Variants in CRTC1 observed in about 807,000 individuals in gnomAD.
CRTC1 encodes CREB regulated transcription coactivator 1.
Under a neutral mutation model 66.1 loss-of-function variants are expected in CRTC1, and 18 were observed. That is an observed-to-expected ratio of 0.27 (90% CI 0.19 to 0.40). The LOEUF (loss-of-function observed/expected upper bound fraction) is 0.40, where lower values mean the gene tolerates loss of function less well. Ranked by LOEUF, CRTC1 falls within the 10% of genes least tolerant of loss-of-function variation. The pLI is 1.00. For synonymous variants in CRTC1, 416 were observed against 398.8 expected, an observed-to-expected ratio of 1.04 and a Z score of -0.51; for missense variants, 669 against 887.9, an observed-to-expected ratio of 0.75 and a Z score of 3.13.
At chr19:18,707,060 A>AT (rs1301594941) in intron 1 of CRTC1, among the ~76,000 whole-genome samples, 4 of 151,900 alleles carry the variant, frequency 2.6e-5, no homozygotes, top group African/African-American at 9.7e-5. Flanking sequence ...CAATTTATGT[A>AT]TTTTTTCTTT....
chr19:18,686,415 A>G (rs904188185), intron 1 of CRTC1, among the ~76,000 whole-genome samples: 8 of 152,246 alleles, frequency 5.3e-5, no homozygotes, highest in African/African-American at 1.7e-4. Flanking sequence ...TGGGAGGCCA[A>G]GGTGAGTGGA....
chr19:18,725,573 G>T lies in CRTC1; in HGVS notation c.127-17337G>T, dbSNP rs376369142. Among the ~76,000 whole-genome samples, 32 of 152,256 alleles carry T rather than the reference G, an allele frequency of 2.1e-4. No homozygotes were observed. The East Asian group carries it at 4.8e-3, about 23-fold the overall frequency. Reference sequence around the variant, plus strand: ...ATCAGTGCCAGACCTGTGGCTATGCGTGCTCACAGGGGCACCAGGCTGCCG... The same window carrying T: ...ATCAGTGCCAGACCTGTGGCTATGCTTGCTCACAGGGGCACCAGGCTGCCG... On this transcript the variant is annotated intron_variant, in intron 1 of 13. Coordinates refer to ENST00000321949, the MANE Select transcript of CRTC1 (RefSeq NM_015321.3).
At chr19:18,745,047 C>T (rs2145737739) in intron 2 of CRTC1, among the ~76,000 whole-genome samples, 1 of 152,332 alleles carries the variant, frequency 6.6e-6, no homozygotes, top group South Asian at 2.1e-4. Flanking sequence ...TCACCCCAGT[C>T]AGATGGCAAG....
intron 1 of CRTC1, among the ~76,000 whole-genome samples, chr19:18,720,382 C>T (rs2053598170): frequency 6.6e-6 from 1 of 151,948 alleles, no homozygotes; most frequent in Non-Finnish European, 1.5e-5. Context: ...GACAGTCTCG[C>T]TCTGTCACCC....
rs1600726022 is a variant in CRTC1 at position 18,683,690 on chromosome 19, T to G, written c.-13T>G. On this transcript the variant is annotated 5_prime_UTR_variant, in exon 1 of 14. Transcript: ENST00000321949. The stretch of plus-strand genomic sequence containing the variant: ...GAGGAGGAGGAGGAGGAGGAGGAGG[T>G]GGCGGCGAGAAGATGGCGACTTCGA... The G allele has an allele frequency of 7.3e-7, 1 of 1,365,604 alleles. No homozygotes were observed. Among genetic ancestry groups the G allele is most frequent in the African/African-American group, 1.6e-5 (1 of 62,566 alleles). 84.6% of individuals were successfully genotyped at this position (1,365,604 alleles called of 1,614,324 possible). A position where few individuals can be genotyped will look rare whatever the true frequency, so the allele number is the denominator to read the frequency against.
intron 1 of CRTC1, among the ~76,000 whole-genome samples, chr19:18,723,566 G>A (rs1189527730): frequency 1.3e-5 from 2 of 152,258 alleles, no homozygotes; most frequent in Non-Finnish European, 2.9e-5. Flanking sequence ...TTGTGGCCAA[G>A]GCCAGTTCAC....
intron 1 of CRTC1, among the ~76,000 whole-genome samples, chr19:18,700,001 C>T (rs924597731): frequency 2.6e-5 from 4 of 152,210 alleles, no homozygotes; most frequent in African/African-American, 9.6e-5. Context: ...ATCTCGGCAG[C>T]TCTCACACCC....
At chr19:18,688,147 G>A (rs768585262) in intron 1 of CRTC1, among the ~76,000 whole-genome samples, 6 of 152,126 alleles carry the variant, frequency 3.9e-5, no homozygotes, top group South Asian at 4.1e-4. Context: ...GGACAGGAGA[G>A]CATCAATGCA....
At chr19:18,717,537 CTG>C (rs2053535487) in intron 1 of CRTC1, among the ~76,000 whole-genome samples, 1 of 152,164 alleles carries the variant, frequency 6.6e-6, no homozygotes, top group African/African-American at 2.4e-5. Flanking sequence ...TCACAGGAGC[CTG>C]TGTTTCTGCC....
rs535181075 is a variant in CRTC1 at position 18,743,737 on chromosome 19, C to T, written c.243+711C>T. 7.9e-5 allele frequency among the ~76,000 whole-genome samples: 12 copies of T among 152,370 alleles called. No homozygotes were observed. The South Asian group carries it at 2.5e-3, about 32-fold the overall frequency. ...GCCCCTCCCAAGTCACCCACCAGCT[C>T]CACCGCCACCTGCACCGCCGCTGGA... is the stretch of plus-strand genomic sequence containing the variant. On this transcript the variant is annotated intron_variant, in intron 2 of 13. Coordinates refer to ENST00000321949, the MANE Select transcript of CRTC1 (RefSeq NM_015321.3).
intron 6 of CRTC1, among the ~76,000 whole-genome samples, chr19:18,757,740 G>C (rs943283294): frequency 6.6e-6 from 1 of 152,184 alleles, no homozygotes; most frequent in Non-Finnish European, 1.5e-5. Context: ...AATTAGGCTG[G>C]GTGCAGTGGC....
intron 1 of CRTC1, among the ~76,000 whole-genome samples, chr19:18,730,075 C>T (rs2053850805): frequency 6.6e-6 from 1 of 152,150 alleles, no homozygotes; most frequent in African/African-American, 2.4e-5. Flanking sequence ...TGGGTGCCAG[C>T]CATCCTGTGC....
At chr19:18,759,808 G>A (rs2054572301) in intron 7 of CRTC1, among the ~76,000 whole-genome samples, 200 bp from the exon 8 acceptor site, 1 of 152,004 alleles carries the variant, frequency 6.6e-6, no homozygotes, top group Non-Finnish European at 1.5e-5. Flanking sequence ...CTGCCCCCAG[G>A]CCCCCCACCG....
chr19:18,768,653 C>T lies in CRTC1; in HGVS notation c.1180C>T (p.Pro394Ser), dbSNP rs771787059. 21 of 1,539,242 alleles carry T rather than the reference C, an allele frequency of 1.4e-5. No individual in the cohort carries two copies. Among genetic ancestry groups the T allele is most frequent in the Middle Eastern group, 4.5e-4 (2 of 4,442 alleles). ...PPPQAPVRLP[P>S]GGPLLPSASL... ...CCCACAGGCGCCCGTCCGCCTGCCC[C>T]CTGGTGGCCCCCTGTTGCCCAGCGC... The change falls in exon 10 of 14, where the codon CCT becomes TCT. Residue 394 changes from proline to serine, a missense_variant. Transcript: ENST00000321949. This position sits in a 1 kb window ranked among gnomAD's most constrained non-coding sequence, Gnocchi z 5.6.
At position 18,749,773 on chromosome 19, in the gene CRTC1, C is replaced by T; in HGVS notation, c.444-8C>T. 1 of 1,613,096 alleles carries T rather than the reference C, an allele frequency of 6.2e-7. No individual in the cohort carries two copies. Among genetic ancestry groups the T allele is most frequent in the Non-Finnish European group, 8.5e-7 (1 of 1,179,112 alleles). The stretch of plus-strand genomic sequence containing the variant: ...GAGGCTCATTGTCTCTTCCTCCCTC[C>T]CCACCAGGACCAATTCTGACTCCGC... On this transcript the variant is annotated splice_region_variant and splice_polypyrimidine_tract_variant and intron_variant, in intron 4 of 13. Transcript: ENST00000321949.
chr19:18,729,601 C>T (rs1420360846), intron 1 of CRTC1, among the ~76,000 whole-genome samples: 3 of 151,802 alleles, frequency 2.0e-5, no homozygotes, highest in Admixed American at 1.3e-4. Context: ...ATTGGCTAAG[C>T]GTGTTGGCCT....
intron 1 of CRTC1, among the ~76,000 whole-genome samples, chr19:18,701,109 G>C (rs934991150): frequency 2.0e-5 from 3 of 152,222 alleles, no homozygotes; most frequent in Non-Finnish European, 2.9e-5. Flanking sequence ...GCCTCTGTTC[G>C]GCAAGGAGCC....
intron 1 of CRTC1, among the ~76,000 whole-genome samples, chr19:18,707,483 C>T (rs113528851): frequency 2.0e-5 from 3 of 152,202 alleles, no homozygotes; most frequent in African/African-American, 7.2e-5. Context: ...GTCAGTACCA[C>T]ACTGTTTTGA....
intron 1 of CRTC1, among the ~76,000 whole-genome samples, chr19:18,700,444 T>G (rs966449916): frequency 6.6e-6 from 1 of 151,358 alleles, no homozygotes; most frequent in African/African-American, 2.4e-5. Context: ...AGGCCGCCCT[T>G]CTCTTCCCTT....
Sources: gnomAD v4.1 joint callset for allele counts (sites outside exome capture counted in the v4.1 genomes callset) on GRCh38, gnomAD v4.1.1 for gene constraint, Gnocchi (gnomAD v3.1) non-coding constraint, MANE v1.5 for transcripts, NCBI Gene and HGNC (gene_info 2026-07-23, HGNC 2026-07-21) for gene names.